ZNF831: variants seen among roughly 807,000 people sequenced by gnomAD.
The protein encoded by ZNF831 is chromosome 20 open reading frame 174.
ZNF831 carries 59 observed loss-of-function variants against 95.8 expected under a neutral mutation model. The observed-to-expected ratio is 0.62, with a 90% CI of 0.50 to 0.77. ZNF831 has a LOEUF of 0.77. Ranked by LOEUF, ZNF831 falls within the 30% of genes least tolerant of loss-of-function variation. The pLI, the probability that ZNF831 is intolerant of heterozygous loss-of-function variation, is 0.00. For synonymous variants in ZNF831, 961 were observed against 925.5 expected (o/e 1.04, Z -0.70); for missense variants, 2,205 against 2,164.0 (o/e 1.02, Z -0.38).
At position 59,193,277 on chromosome 20, in the gene ZNF831, G is replaced by T. The variant is rs2146580260; in HGVS notation, c.2258G>T (p.Gly753Val). Reference protein sequence around the residue: ...GSRSPLVSPNGRLELGWQMPP... With the variant: ...GSRSPLVSPNVRLELGWQMPP... ...AGGAGCCCCCTGGTCTCTCCAAATG[G>T]GAGGCTGGAACTGGGGTGGCAGATG... The change falls in exon 2 of 6, where the codon GGG (glycine) becomes GTG (valine). Residue 753 changes from glycine (G) to valine (V), a missense_variant. By Grantham distance (109) the Gly-to-Val change is moderately radical. Transcript: ENST00000371030. 6.2e-7 allele frequency: 1 copy of T among 1,610,110 alleles called. No individual in the cohort carries two copies.
At chr20:59,189,436 C>A (rs1484866859) in intron 1 of ZNF831, among the ~76,000 whole-genome samples, 4 of 152,170 alleles carry the variant, frequency 2.6e-5, no homozygotes, top group Non-Finnish European at 5.9e-5. Context: ...TAACAATCAG[C>A]TCTCTTGAGC....
intron 4 of ZNF831, among the ~76,000 whole-genome samples, chr20:59,235,022 T>C (rs988759778): frequency 4.6e-5 from 7 of 152,174 alleles, no homozygotes; most frequent in Non-Finnish European, 7.3e-5. Flanking sequence ...CATTTTGTCA[T>C]CGTGGCTCCT....
chr20:59,135,736 A>T (rs1229975210), intron 1 of ZNF831, among the ~76,000 whole-genome samples: 1 of 152,146 alleles, frequency 6.6e-6, no homozygotes, highest in Admixed American at 6.5e-5. Flanking sequence ...ATCTCAAAAA[A>T]AAATAATAAT....
chr20:59,194,234 G>A lies in ZNF831; in HGVS notation c.3215G>A (p.Ser1072Asn), dbSNP rs2146596014. 1 of 1,613,828 alleles carries A rather than the reference G, an allele frequency of 6.2e-7. No homozygotes were observed. The highest frequency in any genetic ancestry group is 8.5e-7 in the Non-Finnish European group (1 of 1,179,940). The change falls in exon 2 of 6, where the codon AGC becomes AAC. Residue 1072 changes from serine to asparagine, a missense_variant. By Grantham distance (46) the Ser-to-Asn change is conservative (BLOSUM62 1). Coordinates refer to ENST00000371030, the MANE Select transcript of ZNF831 (RefSeq NM_178457.3). ...AHLVQDMEGDSHRIHRLCMGS... is the reference protein window; with the variant it reads ...AHLVQDMEGDNHRIHRLCMGS... The stretch of plus-strand genomic sequence containing the variant: ...TTAGTTCAGGACATGGAGGGTGACA[G>A]CCACCGTATCCATCGCCTCTGCATG...
In ZNF831 at chr20:59,193,412, C is replaced by T. The variant is rs755122600; in HGVS notation, c.2393C>T (p.Thr798Ile). ...GARGVGDVQE[T>I]CLWAQTVLRW... ...CGAGGTGTGGGGGATGTTCAGGAGACCTGCCTGTGGGCCCAGACTGTCCTG... is the reference window on the plus strand; with the variant it reads ...CGAGGTGTGGGGGATGTTCAGGAGATCTGCCTGTGGGCCCAGACTGTCCTG... Residue 798 changes from threonine to isoleucine, a missense_variant, in exon 2 of 6, where the codon ACC becomes ATC. Physicochemically the swap from Thr to Ile is moderately conservative, Grantham distance 89. Transcript: ENST00000371030. 1 of 1,599,070 alleles carries T rather than the reference C, an allele frequency of 6.3e-7. No homozygotes were observed. Among genetic ancestry groups the T allele is most frequent in the South Asian group, 1.1e-5 (1 of 87,938 alleles).
At position 59,191,867 on chromosome 20, in the gene ZNF831, C is replaced by T. The variant is rs1983569758; in HGVS notation, c.848C>T (p.Ala283Val). 1.4e-5 allele frequency: 23 copies of T among 1,613,136 alleles called. No homozygotes were observed. The highest frequency in any genetic ancestry group is 1.3e-5 in the African/African-American group (1 of 75,070). The stretch of plus-strand genomic sequence containing the variant: ...GACAGAGAGGCTCCTTGGGACTCTG[C>T]CCCCATGGCGTCACCTGGGCTCCCA... ...FADREAPWDS[A>V]PMASPGLPAA... Residue 283 changes from alanine to valine, a missense_variant, in exon 2 of 6, where the codon GCC (alanine) becomes GTC (valine). Physicochemically the swap from Ala to Val is moderately conservative, Grantham distance 64. Coordinates refer to ENST00000371030, the MANE Select transcript of ZNF831 (RefSeq NM_178457.3).
intron 1 of ZNF831, among the ~76,000 whole-genome samples, chr20:59,189,404 G>C (rs1320726355): frequency 6.6e-6 from 1 of 152,164 alleles, no homozygotes; most frequent in African/African-American, 2.4e-5. Flanking sequence ...TTCACAGCTG[G>C]CTTGCGCAAT....
chr20:59,204,883 G>A (rs1232153308), intron 3 of ZNF831, among the ~76,000 whole-genome samples: 1 of 152,158 alleles, frequency 6.6e-6, no homozygotes, highest in Non-Finnish European at 1.5e-5. Context: ...CACACAGAAC[G>A]TTTTGGGAGA....
At position 59,194,391 on chromosome 20, in the gene ZNF831, G is replaced by T. The variant is rs150212573; in HGVS notation, c.3372G>T (p.Pro1124=). ...CAGGGCCCCTGGTGGGCCCCGACCC[G>T]TGTTCCCCCCTCCAGCCTGGCTCCT... ...PSSGPLVGPD[P]CSPLQPGSFL... The change falls in exon 2 of 6, where the codon CCG becomes CCT. Residue 1124 remains proline, a synonymous_variant. Transcript: ENST00000371030. 6 of 1,609,902 alleles carry T rather than the reference G, an allele frequency of 3.7e-6. No homozygotes were observed. Among genetic ancestry groups the T allele is most frequent in the Non-Finnish European group, 5.1e-6 (6 of 1,178,130 alleles).
chr20:59,193,992 C>G lies in ZNF831; in HGVS notation c.2973C>G (p.Ser991Arg), dbSNP rs2146592527. 1 of 1,533,660 alleles carries G rather than the reference C, an allele frequency of 6.5e-7. No individual in the cohort carries two copies. Among genetic ancestry groups the G allele is most frequent in the Non-Finnish European group, 8.8e-7 (1 of 1,142,012 alleles). ...GSGLGTPLSP[S>R]PASGPSPGEA... ...GACTGGGGACCCCTCTTTCTCCCAG[C>G]CCAGCCTCAGGCCCCTCCCCAGGTG... The change falls in exon 2 of 6, where the codon AGC becomes AGG. Residue 991 changes from serine (S) to arginine (R), a missense_variant. Physicochemically the swap from Ser to Arg is moderately radical, Grantham distance 110. Coordinates refer to ENST00000371030, the MANE Select transcript of ZNF831 (RefSeq NM_178457.3).
At chr20:59,222,422 C>T (rs996556690) in intron 4 of ZNF831, among the ~76,000 whole-genome samples, 1 of 152,068 alleles carries the variant, frequency 6.6e-6, no homozygotes, top group Non-Finnish European at 1.5e-5. Context: ...CCCGGGCCCC[C>T]TCCGCCCCCG....
At chr20:59,184,964 C>G (rs902629052) in intron 1 of ZNF831, among the ~76,000 whole-genome samples, 1 of 152,138 alleles carries the variant, frequency 6.6e-6, no homozygotes, top group African/African-American at 2.4e-5. Context: ...GAGCTGCACA[C>G]GCGGCAGATG....
chr20:59,206,071 T>G (rs1479623312), intron 3 of ZNF831, among the ~76,000 whole-genome samples: 5 of 152,258 alleles, frequency 3.3e-5, no homozygotes, highest in African/African-American at 1.2e-4. Flanking sequence ...TTCTCTACTG[T>G]CATCATGCCT....
At chr20:59,148,260 G>C (rs1479038711) in intron 2 of ZNF831, among the ~76,000 whole-genome samples, 1 of 152,120 alleles carries the variant, frequency 6.6e-6, no homozygotes, top group East Asian at 1.9e-4. Flanking sequence ...TGATGGAATG[G>C]GGCTGGCCTC....
chr20:59,222,120 A>C (rs1482767539), intron 4 of ZNF831, among the ~76,000 whole-genome samples: 4 of 152,158 alleles, frequency 2.6e-5, no homozygotes, highest in Non-Finnish European at 5.9e-5. Context: ...AATCTGATAA[A>C]GTTCTTTTTA....
At chr20:59,226,663 C>T (rs62204018) in intron 4 of ZNF831, among the ~76,000 whole-genome samples, 1 of 150,568 alleles carries the variant, frequency 6.6e-6, no homozygotes, top group African/African-American at 2.4e-5. Flanking sequence ...ATCTAGTTGC[C>T]TCTGTCCCTT....
chr20:59,139,120 T>C (rs1979598362), intron 1 of ZNF831, among the ~76,000 whole-genome samples: 1 of 152,206 alleles, frequency 6.6e-6, no homozygotes, highest in African/African-American at 2.4e-5. Flanking sequence ...ATTTTGTCAT[T>C]TGGAGAATGT....
chr20:59,231,276 G>C (rs754097251), intron 4 of ZNF831, among the ~76,000 whole-genome samples: 1 of 152,168 alleles, frequency 6.6e-6, no homozygotes, highest in Non-Finnish European at 1.5e-5. Context: ...CTGAGGAAAA[G>C]GATCAGAAAT....
At chr20:59,209,754 C>T (rs907921862) in intron 4 of ZNF831, among the ~76,000 whole-genome samples, 2 of 135,300 alleles carry the variant, frequency 1.5e-5, no homozygotes, top group Non-Finnish European at 3.1e-5. Flanking sequence ...CTTTTGGCTT[C>T]TGGGGCCTCC....
Sources: gnomAD v4.1 joint callset for allele counts (sites outside exome capture counted in the v4.1 genomes callset) on GRCh38, gnomAD v4.1.1 for gene constraint, MANE v1.5 for transcripts, NCBI Gene and HGNC (gene_info 2026-07-23, HGNC 2026-07-21) for gene names.